DCC: variants seen among roughly 807,000 people sequenced by gnomAD.
DCC encodes the protein netrin receptor DCC.
A neutral mutation model predicts 172.5 loss-of-function variants in DCC; 58 were observed. The observed-to-expected ratio is 0.34, with a 90% CI of 0.27 to 0.42. The LOEUF is 0.42. Among genes scored for constraint, DCC ranks in the 10% least tolerant of loss-of-function variants. The pLI is 1.00. For synonymous variants in DCC, 709 were observed against 644.5 expected (o/e 1.10, Z -1.52); for missense variants, 1,740 against 1,791.0 (o/e 0.97, Z 0.51).
chr18:53,533,911 G>A lies in DCC; in HGVS notation c.*3258G>A, dbSNP rs1292048358. On this transcript the variant is annotated 3_prime_UTR_variant, in exon 29 of 29. Transcript: ENST00000442544. ...TGCTTTGGTTCCAGCTACACAAGGA[G>A]AGCCATCCTGTGCTAGTGTGATGTT... 2.0e-5 allele frequency: 3 copies of A among 152,170 alleles called. No individual in the cohort carries two copies. Among genetic ancestry groups the A allele is most frequent in the African/African-American group, 4.8e-5 (2 of 41,450 alleles). The allele number at this position is 152,170 out of a possible 1,614,324, so 9.4% of individuals were successfully genotyped here.
At chr18:53,368,864 C>A (rs1412797865) in intron 15 of DCC, among the ~76,000 whole-genome samples, 5 of 151,882 alleles carry the variant, frequency 3.3e-5, no homozygotes, top group African/African-American at 7.2e-5. Context: ...GTTTTGAAAT[C>A]AAAAAGTATG....
intron 5 of DCC, among the ~76,000 whole-genome samples, chr18:53,056,863 G>A (rs1053952732): frequency 4.6e-5 from 7 of 151,764 alleles, no homozygotes; most frequent in Admixed American, 6.6e-5. Context: ...GGTTTGTGCT[G>A]CCTATTGTTA....
intron 19 of DCC, among the ~76,000 whole-genome samples, chr18:53,406,909 T>C (rs186439421): frequency 1.3e-5 from 2 of 152,202 alleles, no homozygotes; most frequent in Non-Finnish European, 2.9e-5. Flanking sequence ...TTTAGACTTT[T>C]GAATGATGAG....
intron 5 of DCC, among the ~76,000 whole-genome samples, chr18:52,945,138 G>C (rs1012901081): frequency 6.6e-6 from 1 of 152,138 alleles, no homozygotes; most frequent in Non-Finnish European, 1.5e-5. Flanking sequence ...ATTCTCCAAA[G>C]TAACCTCTAA....
chr18:53,404,774 C>T (rs1393203821), intron 19 of DCC, among the ~76,000 whole-genome samples: 2 of 151,384 alleles, frequency 1.3e-5, no homozygotes, highest in South Asian at 2.1e-4. Flanking sequence ...AAAAGAAATG[C>T]AAATTAATCT....
intron 7 of DCC, among the ~76,000 whole-genome samples, chr18:53,139,808 T>G (rs1254622548): frequency 6.6e-6 from 1 of 152,172 alleles, no homozygotes; most frequent in African/African-American, 2.4e-5. Context: ...GTGTGACTTG[T>G]CTTTATCCTC....
intron 27 of DCC, among the ~76,000 whole-genome samples, chr18:53,509,726 G>C (rs2046227274): frequency 6.6e-6 from 1 of 152,164 alleles, no homozygotes; most frequent in Non-Finnish European, 1.5e-5. Context: ...ATCTATAACA[G>C]GTTAAGAACC....
intron 11 of DCC, among the ~76,000 whole-genome samples, chr18:53,209,884 T>A (rs1263000002): frequency 6.6e-6 from 1 of 152,216 alleles, no homozygotes; most frequent in Non-Finnish European, 1.5e-5. Flanking sequence ...GTGAGAAAGA[T>A]AGATTATTAT....
chr18:53,428,793 TTATA>T (rs1445075167), intron 21 of DCC, among the ~76,000 whole-genome samples: 4 of 40,454 alleles, frequency 9.9e-5, no homozygotes, highest in East Asian at 6.9e-4. Flanking sequence ...ATATAATAAA[TTATA>T]TATTATATAT....
intron 1 of DCC, among the ~76,000 whole-genome samples, chr18:52,565,199 A>G (rs1318516721): frequency 6.6e-6 from 1 of 152,106 alleles, no homozygotes; most frequent in African/African-American, 2.4e-5. Context: ...GAGCATGGTT[A>G]AAAATGATAA....
At chr18:53,497,392 C>G in intron 26 of DCC, among the ~76,000 whole-genome samples, 1 of 152,202 alleles carries the variant, frequency 6.6e-6, no homozygotes, top group East Asian at 1.9e-4. Context: ...CCTCTGAGAC[C>G]TGTGGTTGGA....
At chr18:52,536,205 G>A (rs1216051792) in intron 1 of DCC, among the ~76,000 whole-genome samples, 1 of 152,040 alleles carries the variant, frequency 6.6e-6, no homozygotes, top group Non-Finnish European at 1.5e-5. Flanking sequence ...GGTATATGTC[G>A]GAGCCAGATT....
rs79405603 is a variant in DCC at position 52,626,992 on chromosome 18, C to A, written c.92-125062C>A. Among the ~76,000 whole-genome samples the A allele has an allele frequency of 4.9e-3, 740 of 152,228 alleles. 31 individuals are homozygous for A. The East Asian group carries it at 0.11, about 23-fold the overall frequency. ...TGTACTAGCCATTTATTTCTCAGTC[C>A]ATCCCTCTCACACTACCCTCTTCTC... On this transcript the variant is annotated intron_variant, in intron 1 of 28. Coordinates refer to ENST00000442544, the MANE Select transcript of DCC (RefSeq NM_005215.4).
In DCC at chr18:53,499,383, C is replaced by A; in HGVS notation, c.3984C>A (p.Ser1328Arg). 1 of 1,614,132 alleles carries A rather than the reference C, an allele frequency of 6.2e-7. No individual in the cohort carries two copies. Among genetic ancestry groups the A allele is most frequent in the Non-Finnish European group, 8.5e-7 (1 of 1,179,996 alleles). Residue 1328 changes from serine (S) to arginine (R), a missense_variant, in exon 27 of 29, where the codon AGC becomes AGA. Physicochemically the swap from Ser to Arg is moderately radical, Grantham distance 110. Around this residue, in one of 2 missense-constraint regions of DCC, gnomAD observed 1,732 missense variants for 1,767.4 expected, o/e 0.98. Coordinates refer to ENST00000442544, the MANE Select transcript of DCC (RefSeq NM_005215.4). The stretch of plus-strand genomic sequence containing the variant: ...ATTCTAGCAGCGAGGAGGCACCAAG[C>A]AGAACCATCCCCACAGCTTGTGTTC... ...PEHSSSEEAP[S>R]RTIPTACVRP...
At position 53,110,156 on chromosome 18, in the gene DCC, G is replaced by A. The variant is rs1004277093; in HGVS notation, c.1261+43990G>A. Among the ~76,000 whole-genome samples, 9 of 151,608 alleles carry A rather than the reference G, an allele frequency of 5.9e-5. No homozygotes were observed. In the South Asian group the frequency reaches 6.2e-4, roughly 10 times the overall value. On this transcript the variant is annotated intron_variant, in intron 7 of 28. Transcript: ENST00000442544. ...CTCTCACTATCCCTGAGTTAGAAAC[G>A]AAATATTTAAATGATTAAAAAGTAA...
intron 2 of DCC, among the ~76,000 whole-genome samples, chr18:52,774,746 G>A (rs533586557): frequency 8.1e-6 from 1 of 123,298 alleles, no homozygotes; most frequent in South Asian, 3.2e-4. Flanking sequence ...ACTAGCCTTT[G>A]CCTGCTGGGA....
intron 8 of DCC, among the ~76,000 whole-genome samples, chr18:53,165,336 T>C (rs1008092497): frequency 1.3e-5 from 2 of 152,206 alleles, no homozygotes; most frequent in Non-Finnish European, 2.9e-5. Flanking sequence ...AACCAGCTTT[T>C]TCTGACTGAC....
intron 2 of DCC, among the ~76,000 whole-genome samples, chr18:52,885,777 G>C (rs2039560274): frequency 6.6e-6 from 1 of 152,044 alleles, no homozygotes; most frequent in South Asian, 2.1e-4. Flanking sequence ...GATCACATCT[G>C]AAGCCACAAC....
intron 1 of DCC, among the ~76,000 whole-genome samples, chr18:52,483,662 T>C (rs1163174480): frequency 6.6e-6 from 1 of 152,140 alleles, no homozygotes; most frequent in African/African-American, 2.4e-5. Flanking sequence ...AAATTCTTTT[T>C]GCCTCAGTTC....
Sources: gnomAD v4.1 joint callset for allele counts (sites outside exome capture counted in the v4.1 genomes callset) on GRCh38, gnomAD v4.1.1 for gene constraint, gnomAD v4.1.1 regional missense constraint, MANE v1.5 for transcripts, NCBI Gene and HGNC (gene_info 2026-07-23, HGNC 2026-07-21) for gene names.